EIF3A: variants seen among roughly 807,000 people sequenced by gnomAD.
EIF3A encodes eukaryotic translation initiation factor 3 subunit A.
EIF3A carries 21 observed loss-of-function variants against 186.6 expected under a neutral mutation model. The observed-to-expected ratio is 0.11, with a 90% CI of 0.08 to 0.16. The LOEUF (loss-of-function observed/expected upper bound fraction) is 0.16, where lower values mean the gene tolerates loss of function less well. Ranked by LOEUF, EIF3A falls within the 10% of genes least tolerant of loss-of-function variation. EIF3A has a pLI of 1.00. For synonymous variants in EIF3A, 563 were observed against 584.3 expected (o/e 0.96, Z 0.52); for missense variants, 1,306 against 1,796.3 (o/e 0.73, Z 4.93).
intron 9 of EIF3A, chr10:119,060,263 C>T (rs941895928): frequency 2.3e-6 from 1 of 437,590 alleles, no homozygotes; most frequent in Non-Finnish European, 4.4e-6. Flanking sequence ...GTCTCATTCA[C>T]TCATGGTGGG....
chr10:119,043,024 C>G (rs1848234654), intron 18 of EIF3A, among the ~76,000 whole-genome samples: 1 of 151,970 alleles, frequency 6.6e-6, no homozygotes, highest in African/African-American at 2.4e-5. Context: ...TCGCTCACAC[C>G]TGTAATCCCA....
At chr10:119,057,835 A>C (rs529202565) in intron 12 of EIF3A, 121 bp downstream of exon 12, 5 of 753,754 alleles carry the variant, frequency 6.6e-6, no homozygotes, top group African/African-American at 5.3e-5. Context: ...TTTAGTCATG[A>C]CCAGCTGTAC....
At chr10:119,056,621 A>G (rs1286441645) in intron 14 of EIF3A, 119 bp downstream of exon 14, 1 of 683,210 alleles carries the variant, frequency 1.5e-6, no homozygotes, top group African/African-American at 1.8e-5. Flanking sequence ...ATAGGCAGCC[A>G]TTAGAGCACC....
intron 21 of EIF3A, among the ~76,000 whole-genome samples, chr10:119,036,519 G>C (rs1220423415): frequency 6.6e-6 from 1 of 152,070 alleles, no homozygotes; most frequent in Non-Finnish European, 1.5e-5. Flanking sequence ...AGCCTGGGAA[G>C]GACTACAGTT....
chr10:119,058,709 C>T (rs1291742757), intron 11 of EIF3A, among the ~76,000 whole-genome samples: 2 of 152,170 alleles, frequency 1.3e-5, no homozygotes, highest in African/African-American at 2.4e-5. Flanking sequence ...ATGGTGAAAC[C>T]CCATCTCTAC....
chr10:119,037,374 A>G (rs746406080), intron 20 of EIF3A, 65 bp from the exon 21 acceptor site: 15 of 1,415,946 alleles, frequency 1.1e-5, no homozygotes, highest in South Asian at 2.4e-5. Flanking sequence ...TTATAAGTAC[A>G]TCCAGTCCAA....
intron 6 of EIF3A, 95 bp from the exon 7 acceptor site, chr10:119,065,665 G>A (rs1026681900): frequency 1.2e-6 from 1 of 812,692 alleles, no homozygotes; most frequent in Admixed American, 2.2e-5. Context: ...AGGCGTGCTA[G>A]TGACAGAACG....
At chr10:119,061,117 T>G in intron 8 of EIF3A, 107 bp downstream of exon 8, 1 of 616,848 alleles carries the variant, frequency 1.6e-6, no homozygotes, top group Non-Finnish European at 2.8e-6. Context: ...TGCACTGAAT[T>G]CCAACACATA....
Position 119,037,284 on chromosome 10 carries a change from G to T in EIF3A, c.3754C>A (p.Pro1252Thr). 1 of 1,613,962 alleles carries T rather than the reference G, an allele frequency of 6.2e-7. No homozygotes were observed. The highest frequency in any genetic ancestry group is 8.5e-7 in the Non-Finnish European group (1 of 1,179,982). ...PRDEGGWRRGPAEESSSWRDS... is the reference protein window; with the variant it reads ...PRDEGGWRRGTAEESSSWRDS... ...CTCCAGCTTGAAGATTCCTCAGCTGGTCCTCTTCTCCAGCCACCTTCATCC... is the reference window on the plus strand; with the variant it reads ...CTCCAGCTTGAAGATTCCTCAGCTGTTCCTCTTCTCCAGCCACCTTCATCC... Residue 1252 changes from proline to threonine, a missense_variant, in exon 21 of 22, where the codon CCA becomes ACA. Around this residue, in one of 8 missense-constraint regions of EIF3A, gnomAD observed 331 missense variants for 365.8 expected, o/e 0.90. Transcript: ENST00000369144.
chr10:119,048,815 G>A (rs999321613), intron 17 of EIF3A, among the ~76,000 whole-genome samples: 1 of 152,138 alleles, frequency 6.6e-6, no homozygotes, highest in Non-Finnish European at 1.5e-5. Context: ...GGGATTACAG[G>A]TGCTGCCACC....
At chr10:119,047,265 C>CCACA (rs376369567) in intron 17 of EIF3A, among the ~76,000 whole-genome samples, 39 of 151,088 alleles carry the variant, frequency 2.6e-4, no homozygotes, top group East Asian at 5.8e-4. Context: ...GAGACTGTCT[C>CCACA]CACACACACA....
chr10:119,068,690 T>C (rs1404058481), intron 6 of EIF3A, among the ~76,000 whole-genome samples: 1 of 134,046 alleles, frequency 7.5e-6, no homozygotes, highest in Non-Finnish European at 1.6e-5. Flanking sequence ...TAAAATAAAA[T>C]ACAAGTCAGG....
Position 119,051,319 on chromosome 10 carries a change from A to C in EIF3A, c.2199T>G (p.Ile733Met). 2 of 1,580,446 alleles carry C rather than the reference A, an allele frequency of 1.3e-6. No homozygotes were observed. The highest frequency in any genetic ancestry group is 1.7e-6 in the Non-Finnish European group (2 of 1,169,190). Reference sequence around the variant, plus strand: ...TTTCACGTTCTAGCTGCATTGTAGTAATCTGCAAGTACAAATATTGTGAAA... The same window carrying C: ...TTTCACGTTCTAGCTGCATTGTAGTCATCTGCAAGTACAAATATTGTGAAA... ...DLWEQQEEER[I>M]TTMQLEREKA... Residue 733 changes from isoleucine to methionine, a missense_variant and splice_region_variant, in exon 15 of 22, where the codon ATT becomes ATG. Physicochemically the swap from Ile to Met is conservative, Grantham distance 10. Around this residue, in one of 8 missense-constraint regions of EIF3A, gnomAD observed 410 missense variants for 473.5 expected, o/e 0.87. Transcript: ENST00000369144.
intron 21 of EIF3A, 37 bp downstream of exon 21, chr10:119,037,082 A>T: frequency 2.6e-6 from 1 of 380,020 alleles, no homozygotes; most frequent in Non-Finnish European, 5.1e-6. Context: ...CAGAAACGAC[A>T]GTTCTCCAAT....
At chr10:119,040,636 C>T (rs1480360217) in intron 19 of EIF3A, among the ~76,000 whole-genome samples, 4 of 151,690 alleles carry the variant, frequency 2.6e-5, no homozygotes, top group Admixed American at 6.6e-5. Flanking sequence ...TTTGGGAGGC[C>T]GAGGTGGGTG....
chr10:119,037,058 A>G, intron 21 of EIF3A, 61 bp downstream of exon 21: 1 of 783,164 alleles, frequency 1.3e-6, no homozygotes, highest in Non-Finnish European at 1.9e-6. Flanking sequence ...AAATAACCCA[A>G]ATCCCCCCCC....
At chr10:119,049,607 C>T (rs1848328646) in intron 17 of EIF3A, among the ~76,000 whole-genome samples, 194 bp downstream of exon 17, 1 of 151,782 alleles carries the variant, frequency 6.6e-6, no homozygotes, top group Non-Finnish European at 1.5e-5. Flanking sequence ...CAAAAATCAG[C>T]CAGGCATGGT....
intron 17 of EIF3A, among the ~76,000 whole-genome samples, chr10:119,045,103 C>T (rs1344060956): frequency 1.3e-5 from 2 of 151,848 alleles, no homozygotes; most frequent in Non-Finnish European, 1.5e-5. Flanking sequence ...TGCCTCCATG[C>T]CCGACTAATT....
rs1848108079 is a variant in EIF3A at position 119,034,934 on chromosome 10, C to T, written c.*1105G>A. On this transcript the variant is annotated 3_prime_UTR_variant, in exon 22 of 22. Transcript: ENST00000369144. ...TAGGTTCATTTTCATTGATACTAAACACAGACATTTAATGGCACTGATAAA... is the reference window on the plus strand; with the variant it reads ...TAGGTTCATTTTCATTGATACTAAATACAGACATTTAATGGCACTGATAAA... 1 of 150,938 alleles carries T rather than the reference C, an allele frequency of 6.6e-6. No homozygotes were observed. Among genetic ancestry groups the T allele is most frequent in the African/African-American group, 2.4e-5 (1 of 41,304 alleles). 9.3% of individuals were successfully genotyped at this position (150,938 alleles called of 1,614,324 possible).
Sources: gnomAD v4.1 joint callset for allele counts (sites outside exome capture counted in the v4.1 genomes callset) on GRCh38, gnomAD v4.1.1 for gene constraint, gnomAD v4.1.1 regional missense constraint, MANE v1.5 for transcripts, NCBI Gene and HGNC (gene_info 2026-07-23, HGNC 2026-07-21) for gene names.